Variants in CNTN6 observed in about 807,000 individuals in gnomAD.
CNTN6 encodes contactin 6.
A neutral mutation model predicts 122.8 loss-of-function variants in CNTN6; 137 were observed. That is an observed-to-expected ratio of 1.12 (90% CI 0.97 to 1.29). The LOEUF is 1.29. CNTN6 is among the 50% of genes most tolerant of loss of function. The pLI, the probability that CNTN6 is intolerant of heterozygous loss-of-function variation, is 0.00. For synonymous variants in CNTN6, 570 were observed against 426.0 expected (o/e 1.34, Z -4.16); for missense variants, 1,634 against 1,223.4 (o/e 1.34, Z -5.01).
At position 1,285,614 on chromosome 3, in the gene CNTN6, T is replaced by C. The variant is rs115790130; in HGVS notation, c.454+7106T>C. Among the ~76,000 whole-genome samples, 813 of 152,314 alleles carry C rather than the reference T, an allele frequency of 5.3e-3. 5 individuals are homozygous for C. Among genetic ancestry groups the C allele is most frequent in the African/African-American group, 0.019 (770 of 41,568 alleles). On this transcript the variant is annotated intron_variant, in intron 5 of 22. Coordinates refer to ENST00000446702, the MANE Select transcript of CNTN6 (RefSeq NM_001289080.2). ...GCATTTAACATTTTCCGGGAAGATA[T>C]CTCAATTTTACAAATTGAGTATTGT... is the stretch of plus-strand genomic sequence containing the variant.
chr3:1,180,491 C>T (rs998094570), intron 2 of CNTN6, among the ~76,000 whole-genome samples: 6 of 152,148 alleles, frequency 3.9e-5, no homozygotes, highest in Non-Finnish European at 8.8e-5. Flanking sequence ...GATACTAATC[C>T]TGCTGACTCT....
chr3:1,260,902 A>G (rs1283553998), intron 4 of CNTN6, among the ~76,000 whole-genome samples: 1 of 152,078 alleles, frequency 6.6e-6, no homozygotes, highest in African/African-American at 2.4e-5. Context: ...TTCCTTTATA[A>G]ATTACCCAGT....
intron 12 of CNTN6, among the ~76,000 whole-genome samples, chr3:1,365,410 A>C (rs894025481): frequency 6.6e-6 from 1 of 152,014 alleles, no homozygotes; most frequent in African/African-American, 2.4e-5. Flanking sequence ...ATAAATATGT[A>C]AGCTTATATG....
Position 1,388,178 on chromosome 3 carries a change from G to T in CNTN6, c.2704+2381G>T, listed in dbSNP as rs925721319. On this transcript the variant is annotated intron_variant, in intron 20 of 22. Transcript: ENST00000446702. ...AATGTCCCTGTCTGACAGCTTTGAA[G>T]AGAGCACTGGTTCTCCCAGCATGCA... is the stretch of plus-strand genomic sequence containing the variant. Among the ~76,000 whole-genome samples, 3 of 151,418 alleles carry T rather than the reference G, an allele frequency of 2.0e-5. No homozygotes were observed. In the East Asian group the frequency reaches 5.8e-4, roughly 29 times the overall value.
intron 3 of CNTN6, 148 bp from the exon 4 acceptor site, chr3:1,227,670 C>G (rs1405162277): frequency 7.6e-6 from 6 of 785,568 alleles, no homozygotes; most frequent in Admixed American, 2.9e-5. Context: ...AGACAGCTAC[C>G]TTTGGTAAAA....
chr3:1,379,556 C>A (rs982097459), intron 17 of CNTN6, among the ~76,000 whole-genome samples: 1 of 151,990 alleles, frequency 6.6e-6, no homozygotes, highest in Non-Finnish European at 1.5e-5. Flanking sequence ...TGCACATGTA[C>A]CCCCGAATCT....
At chr3:1,142,968 G>GTATA (rs3043051) in intron 1 of CNTN6, among the ~76,000 whole-genome samples, 1,731 of 128,380 alleles carry the variant, frequency 0.013, 15 homozygotes, top group East Asian at 0.033. Flanking sequence ...GTGTGTGTGT[G>GTATA]TATATATATA....
chr3:1,103,031 G>T (rs960251236), intron 1 of CNTN6, among the ~76,000 whole-genome samples: 2 of 151,436 alleles, frequency 1.3e-5, no homozygotes, highest in Non-Finnish European at 2.9e-5. Flanking sequence ...GCGGGAACCC[G>T]GGAGGCGGAG....
intron 1 of CNTN6, among the ~76,000 whole-genome samples, chr3:1,096,758 G>T (rs750999423): frequency 1.3e-5 from 2 of 152,044 alleles, no homozygotes; most frequent in Non-Finnish European, 2.9e-5. Context: ...AGTACTGATC[G>T]GTTTTCTCTG....
At chr3:1,330,677 A>C (rs1045060942) in intron 11 of CNTN6, among the ~76,000 whole-genome samples, 2 of 151,880 alleles carry the variant, frequency 1.3e-5, no homozygotes, top group African/African-American at 4.8e-5. Context: ...AAGATATGAA[A>C]ATAGTCCCTT....
intron 11 of CNTN6, among the ~76,000 whole-genome samples, chr3:1,347,859 C>T (rs968316788): frequency 5.3e-5 from 8 of 152,100 alleles, no homozygotes; most frequent in African/African-American, 1.4e-4. Flanking sequence ...AGCAGTGAAA[C>T]TTAATGCTGA....
chr3:1,155,993 C>T (rs1371974481), intron 2 of CNTN6, among the ~76,000 whole-genome samples: 2 of 152,212 alleles, frequency 1.3e-5, no homozygotes, highest in Non-Finnish European at 2.9e-5. Context: ...TCTAATCAAG[C>T]ATTCAAATTC....
At chr3:1,281,528 C>G (rs2872341) in intron 5 of CNTN6, among the ~76,000 whole-genome samples, 7 of 151,396 alleles carry the variant, frequency 4.6e-5, no homozygotes, top group Non-Finnish European at 4.4e-5. Context: ...GCAGTGGCCC[C>G]ATCTCTGCTC....
chr3:1,259,541 C>T (rs2094811152), intron 4 of CNTN6, among the ~76,000 whole-genome samples: 1 of 151,788 alleles, frequency 6.6e-6, no homozygotes, highest in Non-Finnish European at 1.5e-5. Context: ...GAAGATTAAC[C>T]ATGAATTTAC....
chr3:1,376,635 T>C (rs1709910821), intron 16 of CNTN6, among the ~76,000 whole-genome samples: 1 of 152,136 alleles, frequency 6.6e-6, no homozygotes, highest in Non-Finnish European at 1.5e-5. Flanking sequence ...AAATAATTAA[T>C]ATACTGCCTC....
intron 2 of CNTN6, among the ~76,000 whole-genome samples, chr3:1,195,341 A>G (rs1453573598): frequency 6.6e-6 from 1 of 152,070 alleles, no homozygotes; most frequent in Non-Finnish European, 1.5e-5. Flanking sequence ...CATCTTTTCA[A>G]TGGTAATCTT....
intron 2 of CNTN6, among the ~76,000 whole-genome samples, chr3:1,201,862 A>G (rs1289884533): frequency 2.0e-5 from 3 of 152,140 alleles, no homozygotes; most frequent in African/African-American, 7.2e-5. Flanking sequence ...TGTTAACCGA[A>G]TAACAGCAGG....
intron 12 of CNTN6, among the ~76,000 whole-genome samples, chr3:1,364,348 T>C (rs1025116791): frequency 6.6e-6 from 1 of 151,964 alleles, no homozygotes; most frequent in African/African-American, 2.4e-5. Context: ...ATGTCATAGA[T>C]AAATAAAGGA....
chr3:1,250,806 A>G (rs1245804406), intron 4 of CNTN6, among the ~76,000 whole-genome samples: 1 of 152,152 alleles, frequency 6.6e-6, no homozygotes. Context: ...TTTGGCTTCC[A>G]TCTGAAGATG....
Sources: gnomAD v4.1 joint callset for allele counts (sites outside exome capture counted in the v4.1 genomes callset) on GRCh38, gnomAD v4.1.1 for gene constraint, MANE v1.5 for transcripts, NCBI Gene and HGNC (gene_info 2026-07-23, HGNC 2026-07-21) for gene names.